The following PDCD6 variants were observed in gnomAD, a reference collection of about 807,000 sequenced individuals.
PDCD6 encodes programmed cell death 6.
In PDCD6, 12 loss-of-function variants were observed where a neutral mutation model predicts 28.3. The observed-to-expected ratio is 0.42, with a 90% CI of 0.27 to 0.69. PDCD6 has a LOEUF of 0.69. PDCD6 is among the 30% of genes least tolerant of loss of function. PDCD6 has a pLI of 0.22. For missense variants in PDCD6, 226 were observed against 269.9 expected (o/e 0.84, Z 1.14); for synonymous variants, 92 against 108.0 (o/e 0.85, Z 0.92).
chr5:302,394 T>TG (rs201440843), intron 2 of PDCD6, among the ~76,000 whole-genome samples: 7,350 of 115,506 alleles, frequency 0.064, 1,519 homozygotes, highest in African/African-American at 0.3. Context: ...GGAGTGCTGC[T>TG]CTGTGTGTAT....
Position 306,913 on chromosome 5 carries a change from A to G in PDCD6, c.367+153A>G, listed in dbSNP as rs182659148. ...TGCAGGTTCATATTTGATATTGCTC[A>G]TGTCGGAAGGCGATCCTCGACATGG... is the stretch of plus-strand genomic sequence containing the variant. On this transcript the variant is annotated intron_variant, in intron 4 of 5. Coordinates refer to ENST00000264933, the MANE Select transcript of PDCD6 (RefSeq NM_013232.4). Among the ~76,000 whole-genome samples the G allele has an allele frequency of 2.6e-3, 390 of 152,318 alleles. 1 individual carries two copies. Among genetic ancestry groups the G allele is most frequent in the African/African-American group, 9.0e-3 (374 of 41,576 alleles).
At chr5:296,808 G>C (rs1173195066) in intron 2 of PDCD6, among the ~76,000 whole-genome samples, 1 of 152,092 alleles carries the variant, frequency 6.6e-6, no homozygotes, top group Non-Finnish European at 1.5e-5. Context: ...CTTTGCTTCT[G>C]AGAGTCTGTT....
At chr5:282,636 C>T (rs1051259476) in intron 2 of PDCD6, among the ~76,000 whole-genome samples, 7 of 151,402 alleles carry the variant, frequency 4.6e-5, no homozygotes, top group Admixed American at 2.6e-4. Flanking sequence ...GATTGAGGGT[C>T]GCACAGCTGA....
At chr5:274,047 A>G (rs1738024322) in intron 2 of PDCD6, among the ~76,000 whole-genome samples, 2 of 152,046 alleles carry the variant, frequency 1.3e-5, no homozygotes, top group African/African-American at 4.8e-5. Flanking sequence ...ACAATTTGGC[A>G]AATCTCAGCT....
At chr5:303,383 G>A (rs377026560) in intron 2 of PDCD6, among the ~76,000 whole-genome samples, 5 of 151,378 alleles carry the variant, frequency 3.3e-5, no homozygotes, top group African/African-American at 1.2e-4. Flanking sequence ...TATTTTTTTA[G>A]TTCATTTTTA....
At position 306,613 on chromosome 5, in the gene PDCD6, C is replaced by A. The variant is rs201302366; in HGVS notation, c.220C>A (p.Arg74Ser). The change falls in exon 4 of 6, where the codon CGT (arginine) becomes AGT (serine). Residue 74 changes from arginine to serine, a missense_variant. Physicochemically the swap from Arg to Ser is moderately radical, Grantham distance 110. This residue lies in a region of PDCD6 where 151 missense variants were observed against 177.2 expected (regional missense o/e 0.85). Transcript: ENST00000264933. ...TVRSIISMFD[R>S]ENKAGVNFSE... is the part of the protein sequence containing the mutation. ...CCTCTCTGTCTCAGCCATGTTTGAC[C>A]GTGAGAACAAGGCCGGCGTGAACTT... 2.9e-4 allele frequency: 475 copies of A among 1,613,592 alleles called. 5 individuals carry two copies. In the South Asian group the frequency reaches 5.1e-3, roughly 17 times the overall value.
chr5:277,545 C>A (rs186673047), intron 2 of PDCD6, among the ~76,000 whole-genome samples: 1,713 of 152,036 alleles, frequency 0.011, 26 homozygotes, highest in African/African-American at 0.038. Flanking sequence ...TCATGATCCA[C>A]CCGCCTCAGC....
At chr5:278,193 T>C (rs892143886) in intron 2 of PDCD6, among the ~76,000 whole-genome samples, 7 of 152,158 alleles carry the variant, frequency 4.6e-5, no homozygotes, top group African/African-American at 9.7e-5. Context: ...GGTGGGTGAG[T>C]TCCAGATATA....
At chr5:303,151 C>T (rs1301661980) in intron 2 of PDCD6, among the ~76,000 whole-genome samples, 2 of 152,050 alleles carry the variant, frequency 1.3e-5, no homozygotes, top group Admixed American at 1.3e-4. Flanking sequence ...GGAGGAGCCC[C>T]ATGAGCCCAG....
intron 3 of PDCD6, chr5:304,783 G>A (rs1340798747): frequency 1.3e-5 from 2 of 152,444 alleles, no homozygotes; most frequent in African/African-American, 4.8e-5. Context: ...GTGGGTTCAT[G>A]TGTAGCCTTA....
At chr5:274,303 T>G (rs1738041108) in intron 2 of PDCD6, among the ~76,000 whole-genome samples, 1 of 152,220 alleles carries the variant, frequency 6.6e-6, no homozygotes, top group African/African-American at 2.4e-5. Context: ...TTTTTAGATT[T>G]TAGGTTTAGT....
chr5:273,616 A>G lies in PDCD6; in HGVS notation c.163+844A>G, dbSNP rs1371766020. Among the ~76,000 whole-genome samples the G allele has an allele frequency of 4.6e-5, 7 of 152,222 alleles. No homozygotes were observed. The East Asian group carries it at 9.6e-4, about 21-fold the overall frequency. On this transcript the variant is annotated intron_variant, in intron 2 of 5. Transcript: ENST00000264933. The stretch of plus-strand genomic sequence containing the variant: ...AGGCTTCTTGTTATTAGTGGGAAGT[A>G]TCTGAAGTTGCCAGAGACTGAACTG...
At chr5:313,419 C>G (rs1172929525) in intron 5 of PDCD6, among the ~76,000 whole-genome samples, 1 of 152,196 alleles carries the variant, frequency 6.6e-6, no homozygotes, top group Non-Finnish European at 1.5e-5. Flanking sequence ...GCCGTAGCCT[C>G]TGCCAAGTCA....
chr5:272,265 A>G lies in PDCD6; in HGVS notation c.101+444A>G, dbSNP rs1737871820. Among the ~76,000 whole-genome samples the G allele has an allele frequency of 2.4e-5, 3 of 126,842 alleles. 1 individual carries two copies. Among genetic ancestry groups the G allele is most frequent in the African/African-American group, 9.9e-5 (3 of 30,300 alleles). The allele number at this position is 126,842 out of a possible 152,430, so 83.2% of individuals were successfully genotyped here. Reference sequence around the variant, plus strand: ...GGAAACAGACTGCCTGGGCGCTGTTAAAATGTCAGCAGCCAAGGAAGAAGC... The same window carrying G: ...GGAAACAGACTGCCTGGGCGCTGTTGAAATGTCAGCAGCCAAGGAAGAAGC... On this transcript the variant is annotated intron_variant, in intron 1 of 5. Transcript: ENST00000264933.
At chr5:301,916 T>A (rs1431391543) in intron 2 of PDCD6, among the ~76,000 whole-genome samples, 3 of 148,384 alleles carry the variant, frequency 2.0e-5, no homozygotes, top group Non-Finnish European at 3.0e-5. Flanking sequence ...CACCTGCCTT[T>A]GTGGGAAGAG....
intron 2 of PDCD6, among the ~76,000 whole-genome samples, chr5:285,125 G>A (rs1738861503): frequency 1.3e-5 from 2 of 148,884 alleles, no homozygotes; most frequent in African/African-American, 4.9e-5. Context: ...CCTTAACCTG[G>A]AACAGTTTGA....
chr5:297,078 C>G (rs555606204), intron 2 of PDCD6, among the ~76,000 whole-genome samples: 2 of 152,342 alleles, frequency 1.3e-5, no homozygotes, highest in East Asian at 3.9e-4. Context: ...CCACACTGTG[C>G]CGGGCAGTCG....
chr5:277,299 G>GTTTT (rs1395797530), intron 2 of PDCD6, among the ~76,000 whole-genome samples: 1 of 99,822 alleles, frequency 1.0e-5, no homozygotes, highest in Admixed American at 1.1e-4. Context: ...CTAATTTTTT[G>GTTTT]TATTTTTTTT....
intron 2 of PDCD6, chr5:288,902 A>G: frequency 6.4e-7 from 1 of 1,574,032 alleles, no homozygotes; most frequent in Non-Finnish European, 8.7e-7. Flanking sequence ...ATTCTGAAAG[A>G]ATCTCTCCAG....
Sources: allele counts gnomAD v4.1 joint callset (sites outside exome capture counted in the v4.1 genomes callset), GRCh38; gene constraint gnomAD v4.1.1; regional missense constraint gnomAD v4.1.1; transcripts MANE v1.5; gene names NCBI Gene and HGNC (gene_info 2026-07-23, HGNC 2026-07-21).